The following KIRREL3 variants were observed in gnomAD, a reference collection of about 807,000 sequenced individuals.
KIRREL3 encodes kirre like nephrin family adhesion molecule 3, also known as kin of IRRE-like protein 3.
In KIRREL3, 36 loss-of-function variants were observed where a neutral mutation model predicts 89.7. That is an observed-to-expected ratio of 0.40 (90% CI 0.31 to 0.53). The LOEUF (loss-of-function observed/expected upper bound fraction) is 0.53, where lower values mean the gene tolerates loss of function less well. KIRREL3 is among the 20% of genes least tolerant of loss of function. The probability of loss-of-function intolerance (pLI) is 0.49; values close to 1 mark genes in which losing one functional copy is unlikely to be tolerated. For synonymous variants in KIRREL3, 445 were observed against 441.4 expected (o/e 1.01, Z -0.10); for missense variants, 864 against 1,056.6 (o/e 0.82, Z 2.53).
intron 1 of KIRREL3, among the ~76,000 whole-genome samples, chr11:126,972,955 A>G (rs182270876): frequency 1.3e-5 from 2 of 152,266 alleles, no homozygotes; most frequent in East Asian, 3.9e-4. Context: ...ATAGCCTTAA[A>G]TTCTACTCAC....
At chr11:126,480,032 C>G (rs540447716) in intron 4 of KIRREL3, among the ~76,000 whole-genome samples, 8 of 152,328 alleles carry the variant, frequency 5.3e-5, no homozygotes, top group East Asian at 1.9e-4. Context: ...GGAAATCTCT[C>G]TGTGTGTGTC....
rs1950034156 is a variant in KIRREL3, at chr11:126,772,019, G to A, written c.56-209107C>T. On this transcript the variant is annotated intron_variant, in intron 1 of 16. Coordinates refer to ENST00000525144, the MANE Select transcript of KIRREL3 (RefSeq NM_032531.4). This position sits in a 1 kb window ranked among gnomAD's most constrained non-coding sequence, Gnocchi z 4.6. ...TTTCTGTCTGAGGTAGAGGAGAGGA[G>A]GCACTGTCGGGAAACCATGACCTTT... is the stretch of plus-strand genomic sequence containing the variant. Among the ~76,000 whole-genome samples, 1 of 152,200 alleles carries A rather than the reference G, an allele frequency of 6.6e-6. No homozygotes were observed. The highest frequency in any genetic ancestry group is 1.5e-5 in the Non-Finnish European group (1 of 68,038).
In KIRREL3 at chr11:126,877,634, T is replaced by G. The variant is rs2134696244; in HGVS notation, c.55+122821A>C. ...TTGACTTGGCTTATTTGAAAAATTA[T>G]CCCGTTTTATCAATTTTATTTGGCT... On this transcript the variant is annotated intron_variant, in intron 1 of 16. Coordinates refer to ENST00000525144, the MANE Select transcript of KIRREL3 (RefSeq NM_032531.4). The surrounding 1 kb of genome is among the most constrained non-coding windows in gnomAD (Gnocchi z 4.9). Among the ~76,000 whole-genome samples, 1 of 152,338 alleles carries G rather than the reference T, an allele frequency of 6.6e-6. No individual in the cohort carries two copies. Among genetic ancestry groups the G allele is most frequent in the East Asian group, 1.9e-4 (1 of 5,188 alleles).
Position 126,431,606 on chromosome 11 carries a change from G to A in KIRREL3, c.1589-80C>T, listed in dbSNP as rs371101340. ...CCCCATGATCTCACCCCGTTCCTGC[G>A]GGGGCAGCCCCTGCCACATGGGGCC... On this transcript the variant is annotated intron_variant, in intron 13 of 16. Coordinates refer to ENST00000525144, the MANE Select transcript of KIRREL3 (RefSeq NM_032531.4). This position sits in a 1 kb window ranked among gnomAD's most constrained non-coding sequence, Gnocchi z 7.1. The A allele has an allele frequency of 1.8e-5, 25 of 1,402,530 alleles. No individual in the cohort carries two copies. The highest frequency in any genetic ancestry group is 1.2e-4 in the East Asian group (5 of 41,474). 86.9% of individuals were successfully genotyped at this position (1,402,530 alleles called of 1,614,324 possible). A position where few individuals can be genotyped will look rare whatever the true frequency, so the allele number is the denominator to read the frequency against.
intron 1 of KIRREL3, among the ~76,000 whole-genome samples, chr11:126,984,367 C>T (rs543559982): frequency 1.3e-5 from 2 of 152,342 alleles, no homozygotes; most frequent in East Asian, 3.9e-4. Flanking sequence ...GCTTGTGTCA[C>T]ATGCTTGGAG....
At chr11:126,602,364 C>A (rs958157694) in intron 1 of KIRREL3, among the ~76,000 whole-genome samples, 1 of 152,180 alleles carries the variant, frequency 6.6e-6, no homozygotes, top group Admixed American at 6.5e-5. Flanking sequence ...GCCTCTGGTC[C>A]TCTGCCCTTT....
At chr11:126,435,185 A>AC in intron 13 of KIRREL3, 83 bp downstream of exon 13, 1 of 1,428,164 alleles carries the variant, frequency 7.0e-7, no homozygotes, top group Non-Finnish European at 9.8e-7. Flanking sequence ...AGGCCTCCCT[A>AC]CCCCCTGCTG....
At chr11:126,852,865 A>G (rs999782436) in intron 1 of KIRREL3, among the ~76,000 whole-genome samples, 2 of 152,194 alleles carry the variant, frequency 1.3e-5, no homozygotes, top group South Asian at 4.1e-4. Context: ...CTCCCTGAGC[A>G]GAGGCTGCAC....
Position 126,555,280 on chromosome 11 carries a change from G to C in KIRREL3, c.133+7555C>G, listed in dbSNP as rs1486545806. Among the ~76,000 whole-genome samples the C allele has an allele frequency of 6.6e-6, 1 of 152,194 alleles. No homozygotes were observed. Among genetic ancestry groups the C allele is most frequent in the Admixed American group, 6.5e-5 (1 of 15,280 alleles). ...CTCAAGCAGTGGCCAGAGGTAGGCT[G>C]AGTGAAACAAGCCACTCCAGTTCCC... On this transcript the variant is annotated intron_variant, in intron 2 of 16. Transcript: ENST00000525144. This position sits in a 1 kb window ranked among gnomAD's most constrained non-coding sequence, Gnocchi z 4.2.
chr11:126,447,466 C>T (rs1391852479), intron 8 of KIRREL3, among the ~76,000 whole-genome samples: 1 of 152,240 alleles, frequency 6.6e-6, no homozygotes, highest in Non-Finnish European at 1.5e-5. Flanking sequence ...CCCACGCCTC[C>T]TCCCCCAGGG....
chr11:126,648,349 G>T (rs1051221814), intron 1 of KIRREL3, among the ~76,000 whole-genome samples: 6 of 152,170 alleles, frequency 3.9e-5, no homozygotes, highest in Non-Finnish European at 7.3e-5. Flanking sequence ...CACCAGGCAT[G>T]CTCCTGCCTC....
rs1958388885 is a variant in KIRREL3 at position 126,515,710 on chromosome 11, G to A, written c.433+5605C>T. Among the ~76,000 whole-genome samples, 2 of 152,144 alleles carry A rather than the reference G, an allele frequency of 1.3e-5. No individual in the cohort carries two copies. The highest frequency in any genetic ancestry group is 2.9e-5 in the Non-Finnish European group (2 of 68,030). On this transcript the variant is annotated intron_variant, in intron 4 of 16. Transcript: ENST00000525144. The surrounding 1 kb of genome is among the most constrained non-coding windows in gnomAD (Gnocchi z 4.2). The stretch of plus-strand genomic sequence containing the variant: ...GGTTGGCGGTGGGTCTGAGGCTGGG[G>A]ACACAGCTGGGGGCTGGCCTCGGGG...
chr11:126,923,201 CTTCT>C (rs1372930845), intron 1 of KIRREL3, among the ~76,000 whole-genome samples: 752 of 17,152 alleles, frequency 0.044, 212 homozygotes, highest in East Asian at 0.12. Flanking sequence ...TCTTCTTCTT[CTTCT>C]TCTTCTTCTT....
At position 126,607,879 on chromosome 11, in the gene KIRREL3, A is replaced by G. The variant is rs1942952833; in HGVS notation, c.56-44967T>C. Among the ~76,000 whole-genome samples, 1 of 152,128 alleles carries G rather than the reference A, an allele frequency of 6.6e-6. No homozygotes were observed. The highest frequency in any genetic ancestry group is 1.5e-5 in the Non-Finnish European group (1 of 68,016). On this transcript the variant is annotated intron_variant, in intron 1 of 16. Transcript: ENST00000525144. This position sits in a 1 kb window ranked among gnomAD's most constrained non-coding sequence, Gnocchi z 6.6. ...GCCACCCACTGCAAGGACGAACATC[A>G]CTACTGGGTCAGCTCTGCAGCTGCA...
chr11:126,740,240 G>T lies in KIRREL3; in HGVS notation c.56-177328C>A, dbSNP rs1308035443. 6.6e-6 allele frequency among the ~76,000 whole-genome samples: 1 copy of T among 152,188 alleles called. No individual in the cohort carries two copies. The highest frequency in any genetic ancestry group is 2.4e-5 in the African/African-American group (1 of 41,452). On this transcript the variant is annotated intron_variant, in intron 1 of 16. Transcript: ENST00000525144. This position sits in a 1 kb window ranked among gnomAD's most constrained non-coding sequence, Gnocchi z 6.0. ...TTTTGAGCAGGTAATAAAGGCTATA[G>T]TGGGGGAGTTCTACGGTGATTAATG...
intron 1 of KIRREL3, among the ~76,000 whole-genome samples, chr11:126,590,368 G>A (rs976641207): frequency 6.6e-6 from 1 of 152,146 alleles, no homozygotes; most frequent in East Asian, 1.9e-4. Flanking sequence ...TCCCAGAGTC[G>A]ACTCCTATGG....
intron 1 of KIRREL3, among the ~76,000 whole-genome samples, chr11:126,923,104 C>CCTTCTTCTT (rs1555090007): frequency 1.5e-5 from 1 of 65,672 alleles, no homozygotes; most frequent in African/African-American, 8.9e-5. Flanking sequence ...TTCTTCTTCT[C>CCTTCTTCTT]CTTCTCCTTC....
chr11:126,982,012 A>T (rs1022527008), intron 1 of KIRREL3, among the ~76,000 whole-genome samples: 2 of 152,206 alleles, frequency 1.3e-5, no homozygotes, highest in Admixed American at 1.3e-4. Context: ...AAATAGGGGA[A>T]GCTCTGCATA....
At chr11:126,447,645 T>C (rs780502698) in intron 8 of KIRREL3, among the ~76,000 whole-genome samples, 1 of 152,186 alleles carries the variant, frequency 6.6e-6, no homozygotes, top group Non-Finnish European at 1.5e-5. Flanking sequence ...TGGAGCCTTC[T>C]GTAGACCAAG....
Sources: allele counts gnomAD v4.1 joint callset (sites outside exome capture counted in the v4.1 genomes callset), GRCh38; gene constraint gnomAD v4.1.1; non-coding constraint Gnocchi (gnomAD v3.1); transcripts MANE v1.5; gene names NCBI Gene and HGNC (gene_info 2026-07-23, HGNC 2026-07-21).